The following AGPAT1 variants were observed in gnomAD, a reference collection of about 807,000 sequenced individuals.
AGPAT1 encodes the protein 1-acyl-sn-glycerol-3-phosphate acyltransferase alpha.
Under a neutral mutation model 31.2 loss-of-function variants are expected in AGPAT1, and 6 were observed. The observed-to-expected ratio is 0.19, with a 90% confidence interval of 0.11 to 0.38. AGPAT1 has a LOEUF of 0.38. AGPAT1 is among the 10% of genes least tolerant of loss of function. AGPAT1 has a pLI of 1.00. For synonymous variants in AGPAT1, 139 were observed against 154.0 expected, an observed-to-expected ratio of 0.90 and a Z score of 0.72; for missense variants, 187 against 377.8, an observed-to-expected ratio of 0.49 and a Z score of 4.19.
chr6:32,170,320 ATGT>A lies in AGPAT1; in HGVS notation c.511-63_511-61del. On this transcript the variant is annotated intron_variant, in intron 4 of 6. Transcript: ENST00000375107. The surrounding 1 kb of genome is among the most constrained non-coding windows in gnomAD (Gnocchi z 7.7). ...ATATGGAGGAGTCAGAATAGGTGTG[ATGT>A]TATAATGGGACCTTTGAGGCCCACT... The A allele has an allele frequency of 6.2e-7, 1 of 1,605,220 alleles. No individual in the cohort carries two copies.
Position 32,171,654 on chromosome 6 carries a change from G to T in AGPAT1, c.-9-149C>A. The T allele has an allele frequency of 9.3e-7, 1 of 1,077,556 alleles. No homozygotes were observed. The highest frequency in any genetic ancestry group is 1.3e-6 in the Non-Finnish European group (1 of 758,930). The allele number at this position is 1,077,556 out of a possible 1,614,324, so 66.7% of individuals were successfully genotyped here. Reference sequence around the variant, plus strand: ...CAGGGGTCTCATTGAAACCTTCCCAGGAAGGCTCTCTAGGATGAGGGTGGT... The same window carrying T: ...CAGGGGTCTCATTGAAACCTTCCCATGAAGGCTCTCTAGGATGAGGGTGGT... On this transcript the variant is annotated intron_variant, in intron 1 of 6. Coordinates refer to ENST00000375107, the MANE Select transcript of AGPAT1 (RefSeq NM_006411.4). The surrounding 1 kb of genome is among the most constrained non-coding windows in gnomAD (Gnocchi z 6.9).
Position 32,170,368 on chromosome 6 carries a change from T to G in AGPAT1, c.510+57A>C. 2 of 1,612,692 alleles carry G rather than the reference T, an allele frequency of 1.2e-6. No homozygotes were observed. Among genetic ancestry groups the G allele is most frequent in the Non-Finnish European group, 1.7e-6 (2 of 1,178,750 alleles). ...CCCACTGGCCCTGCATATCAGTTTA[T>G]TTACAACTGTTCTACTCTGTATCCC... On this transcript the variant is annotated intron_variant, in intron 4 of 6. Coordinates refer to ENST00000375107, the MANE Select transcript of AGPAT1 (RefSeq NM_006411.4). This position sits in a 1 kb window ranked among gnomAD's most constrained non-coding sequence, Gnocchi z 7.7.
At position 32,170,735 on chromosome 6, in the gene AGPAT1, A is replaced by C; in HGVS notation, c.335-135T>G. 7.7e-7 allele frequency: 1 copy of C among 1,298,412 alleles called. No homozygotes were observed. The highest frequency in any genetic ancestry group is 1.4e-5 in the African/African-American group (1 of 69,304). 80.4% of individuals were successfully genotyped at this position (1,298,412 alleles called of 1,614,324 possible). ...GAGACTAGGCAGGGAGGGGGGCCCC[A>C]AGTGAAGGAAAGGGTGACCAAAAGT... On this transcript the variant is annotated intron_variant, in intron 3 of 6. Coordinates refer to ENST00000375107, the MANE Select transcript of AGPAT1 (RefSeq NM_006411.4). This position sits in a 1 kb window ranked among gnomAD's most constrained non-coding sequence, Gnocchi z 7.7.
At position 32,175,083 on chromosome 6, in the gene AGPAT1, A is replaced by C. The variant is rs1785416433; in HGVS notation, c.-10+731T>G. Reference sequence around the variant, plus strand: ...AAGGTATATAACCTTCACATGCTGAAATAAACATGCCAAAACATAAAATGT... The same window carrying C: ...AAGGTATATAACCTTCACATGCTGACATAAACATGCCAAAACATAAAATGT... On this transcript the variant is annotated intron_variant, in intron 1 of 6. Coordinates refer to ENST00000375107, the MANE Select transcript of AGPAT1 (RefSeq NM_006411.4). This position sits in a 1 kb window ranked among gnomAD's most constrained non-coding sequence, Gnocchi z 4.5. Among the ~76,000 whole-genome samples, 1 of 152,246 alleles carries C rather than the reference A, an allele frequency of 6.6e-6. No individual in the cohort carries two copies. Among genetic ancestry groups the C allele is most frequent in the Non-Finnish European group, 1.5e-5 (1 of 68,050 alleles).
rs1784920109 is a variant in AGPAT1, at chr6:32,169,957, A to G, written c.679+9T>C. 6.2e-7 allele frequency: 1 copy of G among 1,611,672 alleles called. No individual in the cohort carries two copies. Among genetic ancestry groups the G allele is most frequent in the Non-Finnish European group, 8.5e-7 (1 of 1,179,042 alleles). ...CACACCCTACCCCAGAACTGCTCAA[A>G]GCCCTCACCCGAGGTGAAGCGACGC... On this transcript the variant is annotated intron_variant, in intron 6 of 6. Coordinates refer to ENST00000375107, the MANE Select transcript of AGPAT1 (RefSeq NM_006411.4). This position sits in a 1 kb window ranked among gnomAD's most constrained non-coding sequence, Gnocchi z 5.9.
At chr6:32,177,518 T>C (rs1039944930), upstream of AGPAT1, 1 of 157,568 alleles carries the variant, frequency 6.3e-6, no homozygotes, top group African/African-American at 2.4e-5. Context: ...GGTGGGCCTT[T>C]AGTTCAGTTT....
chr6:32,176,093 G>A (rs1178567188), upstream of AGPAT1: 6 of 972,408 alleles, frequency 6.2e-6, no homozygotes, highest in Admixed American at 6.6e-5. Context: ...CTATTCCCCC[G>A]CCACCCCTCC....
In AGPAT1 at chr6:32,169,563, G is replaced by A. The variant is rs1784870767; in HGVS notation, c.680-115C>T. ...CTTTCAGTTCTCTTCCCCCAACCCT[G>A]GACAACCATCCCTGGGCTTGCCAGC... On this transcript the variant is annotated intron_variant, in intron 6 of 6. Coordinates refer to ENST00000375107, the MANE Select transcript of AGPAT1 (RefSeq NM_006411.4). This position sits in a 1 kb window ranked among gnomAD's most constrained non-coding sequence, Gnocchi z 5.9. 7.6e-7 allele frequency: 1 copy of A among 1,321,810 alleles called. No homozygotes were observed. Among genetic ancestry groups the A allele is most frequent in the Non-Finnish European group, 1.0e-6 (1 of 965,552 alleles). 81.9% of individuals were successfully genotyped at this position (1,321,810 alleles called of 1,614,324 possible).
Position 32,170,840 on chromosome 6 carries a change from G to C in AGPAT1, c.334+97C>G, listed in dbSNP as rs114004994. 0.037 allele frequency: 53,864 copies of C among 1,473,256 alleles called. 1,096 individuals carry two copies. The highest frequency in any genetic ancestry group is 0.042 in the Non-Finnish European group (44,979 of 1,075,272). 91.3% of individuals were successfully genotyped at this position (1,473,256 alleles called of 1,614,324 possible). A position where few individuals can be genotyped will look rare whatever the true frequency, so the allele number is the denominator to read the frequency against. On this transcript the variant is annotated intron_variant, in intron 3 of 6. Coordinates refer to ENST00000375107, the MANE Select transcript of AGPAT1 (RefSeq NM_006411.4). This position sits in a 1 kb window ranked among gnomAD's most constrained non-coding sequence, Gnocchi z 7.7. ...GAGGCAAGGGGGCAATGTCCCAGAG[G>C]AAGGGGAATTGAGGATCTCTAGGAG...
rs550471712 is a variant in AGPAT1 at position 32,173,815 on chromosome 6, G to A, written c.-10+1999C>T. Among the ~76,000 whole-genome samples, 8 of 152,230 alleles carry A rather than the reference G, an allele frequency of 5.3e-5. No homozygotes were observed. Among genetic ancestry groups the A allele is most frequent in the East Asian group, 1.9e-4 (1 of 5,190 alleles). Reference sequence around the variant, plus strand: ...ACTTTTATCTTGATCAGCGGGTCTCGAAGTATAGAAATGCAAATTATTAGA... The same window carrying A: ...ACTTTTATCTTGATCAGCGGGTCTCAAAGTATAGAAATGCAAATTATTAGA... On this transcript the variant is annotated intron_variant, in intron 1 of 6. Transcript: ENST00000375107. This position sits in a 1 kb window ranked among gnomAD's most constrained non-coding sequence, Gnocchi z 4.7.
At chr6:32,176,289 T>C, upstream of AGPAT1, 1 of 520,054 alleles carries the variant, frequency 1.9e-6, no homozygotes, top group Non-Finnish European at 2.5e-6. Flanking sequence ...TGCATCTTTT[T>C]TTTCTCTAAC....
chr6:32,168,236 T>C lies in AGPAT1; in HGVS notation c.*1040A>G, dbSNP rs1340009508. ...ATCTCTCTCTCTCTTTATTTTCAGTTTTTTTGCTGTTATCCAGATAATTAA... is the reference window on the plus strand; with the variant it reads ...ATCTCTCTCTCTCTTTATTTTCAGTCTTTTTGCTGTTATCCAGATAATTAA... On this transcript the variant is annotated 3_prime_UTR_variant, in exon 7 of 7. Transcript: ENST00000375107. This position sits in a 1 kb window ranked among gnomAD's most constrained non-coding sequence, Gnocchi z 4.5. 6.5e-6 allele frequency: 3 copies of C among 458,674 alleles called. No homozygotes were observed. Among genetic ancestry groups the C allele is most frequent in the Non-Finnish European group, 1.2e-5 (3 of 257,110 alleles). 28.4% of individuals were successfully genotyped at this position (458,674 alleles called of 1,614,324 possible). A position where few individuals can be genotyped will look rare whatever the true frequency, so the allele number is the denominator to read the frequency against.
upstream of AGPAT1, chr6:32,176,888 G>A (rs1403052975): frequency 1.3e-5 from 5 of 397,238 alleles, no homozygotes; most frequent in Non-Finnish European, 2.2e-5. Context: ...GAGGAAGAAT[G>A]CCGATTCCTC....
In AGPAT1 at chr6:32,175,897, T is replaced by A; in HGVS notation, c.-93A>T. The A allele has an allele frequency of 1.0e-6, 1 of 986,450 alleles. No homozygotes were observed. Among genetic ancestry groups the A allele is most frequent in the Non-Finnish European group, 1.2e-6 (1 of 830,810 alleles). The allele number at this position is 986,450 out of a possible 1,614,324, so 61.1% of individuals were successfully genotyped here. A position where few individuals can be genotyped will look rare whatever the true frequency, so the allele number is the denominator to read the frequency against. ...GTGGTGGCGGATGGCTGTGTCTCTG[T>A]CTCTGTCGGGGTGTCGGTGCCAAGG... On this transcript the variant is annotated 5_prime_UTR_variant, in exon 1 of 7. Transcript: ENST00000375107. This position sits in a 1 kb window ranked among gnomAD's most constrained non-coding sequence, Gnocchi z 4.5.
rs1462102029 is a variant in AGPAT1 at position 32,172,321 on chromosome 6, A to G, written c.-9-816T>C. On this transcript the variant is annotated intron_variant, in intron 1 of 6. Transcript: ENST00000375107. This position sits in a 1 kb window ranked among gnomAD's most constrained non-coding sequence, Gnocchi z 4.3. Reference sequence around the variant, plus strand: ...AGTGAGACTCCATTTCCAAAAAAAAAAAAAGAAATTATAATCTTTTGGATG... The same window carrying G: ...AGTGAGACTCCATTTCCAAAAAAAAGAAAAGAAATTATAATCTTTTGGATG... Among the ~76,000 whole-genome samples, 3 of 152,160 alleles carry G rather than the reference A, an allele frequency of 2.0e-5. No homozygotes were observed. The highest frequency in any genetic ancestry group is 7.2e-5 in the African/African-American group (3 of 41,422).
upstream of AGPAT1, chr6:32,177,260 A>G: frequency 2.5e-6 from 1 of 395,408 alleles, no homozygotes; most frequent in East Asian, 3.6e-5. Flanking sequence ...AGTCACAGTG[A>G]GGGTCAGTGA....
At position 32,170,012 on chromosome 6, in the gene AGPAT1, G is replaced by C. The variant is rs558682365; in HGVS notation, c.633C>G (p.Ser211=). 9.9e-6 allele frequency: 16 copies of C among 1,613,952 alleles called. No individual in the cohort carries two copies. The East Asian group carries it at 3.6e-4, about 36-fold the overall frequency. The change falls in exon 6 of 7, where the codon TCC becomes TCG. Residue 211 remains serine, a synonymous_variant. Coordinates refer to ENST00000375107, the MANE Select transcript of AGPAT1 (RefSeq NM_006411.4). This position sits in a 1 kb window ranked among gnomAD's most constrained non-coding sequence, Gnocchi z 7.7. ...AQVPIVPIVM[S]SYQDFYCKKE... ...TCTTGCAGTAGAAGTCTTGGTAGGA[G>C]GACATGACTATGGGGACAATGGGAA...
rs375715875 is a variant in AGPAT1, at chr6:32,169,278, A to G, written c.850T>C (p.Ter284ArgextTer24). 6.2e-7 allele frequency: 1 copy of G among 1,612,450 alleles called. No homozygotes were observed. The highest frequency in any genetic ancestry group is 8.5e-7 in the Non-Finnish European group (1 of 1,179,756). The change falls in exon 7 of 7, where the codon TGA becomes CGA. Residue 284 changes from the stop codon to arginine (R), a stop_lost. Coordinates refer to ENST00000375107, the MANE Select transcript of AGPAT1 (RefSeq NM_006411.4). This position sits in a 1 kb window ranked among gnomAD's most constrained non-coding sequence, Gnocchi z 5.9. ...GGAGGAGAGCTCAGAGCCAGGGTTC[A>G]CCCACCGCCCCCAGGCTTCTTCAGA... ...DYLKKPGGGG[*>R]
upstream of AGPAT1, chr6:32,177,095 C>T (rs1561856876): frequency 5.0e-6 from 2 of 398,658 alleles, no homozygotes; most frequent in Non-Finnish European, 8.8e-6. Flanking sequence ...TCCTTCTTTA[C>T]GCAACTGCTA....
Sources: allele counts gnomAD v4.1 joint callset (sites outside exome capture counted in the v4.1 genomes callset), GRCh38; gene constraint gnomAD v4.1.1; non-coding constraint Gnocchi (gnomAD v3.1); transcripts MANE v1.5; gene names NCBI Gene and HGNC (gene_info 2026-07-23, HGNC 2026-07-21).